Variants in OPN3 observed in about 807,000 individuals in gnomAD.
OPN3 encodes opsin-3.
Under a neutral mutation model 33.8 loss-of-function variants are expected in OPN3, and 29 were observed. The observed-to-expected ratio is 0.86, with a 90% CI of 0.64 to 1.17. The LOEUF (loss-of-function observed/expected upper bound fraction) is 1.17. Among genes scored for constraint, OPN3 ranks in the 50% most tolerant of loss-of-function variants. OPN3 has a pLI of 0.00. For missense variants in OPN3, 437 were observed against 514.1 expected, an observed-to-expected ratio of 0.85 and a Z score of 1.45; for synonymous variants, 216 against 216.1, an observed-to-expected ratio of 1.00 and a Z score of 0.00.
chr1:241,624,593 C>G (rs888036001), intron 1 of OPN3, among the ~76,000 whole-genome samples: 2 of 152,324 alleles, frequency 1.3e-5, no homozygotes, highest in African/African-American at 4.8e-5. Flanking sequence ...CGTTCCAGTA[C>G]TTACAGATTC....
chr1:241,621,768 A>G (rs1000898995), intron 1 of OPN3, among the ~76,000 whole-genome samples: 7 of 152,162 alleles, frequency 4.6e-5, no homozygotes, highest in Non-Finnish European at 7.3e-5. Flanking sequence ...CAGATCAATA[A>G]GTATAATGGG....
intron 1 of OPN3, among the ~76,000 whole-genome samples, chr1:241,613,181 T>C (rs1233718961): frequency 6.6e-6 from 1 of 152,220 alleles, no homozygotes; most frequent in Non-Finnish European, 1.5e-5. Context: ...AATAGTAATT[T>C]CAGCCCACTA....
rs377228012 is a variant in OPN3, at chr1:241,604,437, A to T, written c.516T>A (p.Pro172=). The stretch of plus-strand genomic sequence containing the variant: ...GGATGTACCTGTTCCATCCCAGGAG[A>T]GGTGCTCCTGCCCACGCCAGTGAGT... The part of the protein sequence containing the change: ...WLYSLAWAGA[P]LLGWNRYILD... Residue 172 remains proline (P), a synonymous_variant, in exon 2 of 4, where the codon CCT becomes CCA. Transcript: ENST00000366554. The T allele has an allele frequency of 2.2e-5, 35 of 1,614,028 alleles. No individual in the cohort carries two copies. Among genetic ancestry groups the T allele is most frequent in the Non-Finnish European group, 2.9e-5 (34 of 1,180,042 alleles).
chr1:241,598,961 A>G (rs2147996869), intron 2 of OPN3, among the ~76,000 whole-genome samples: 1 of 152,294 alleles, frequency 6.6e-6, no homozygotes. Context: ...ATTTCAATGA[A>G]CTCTAAGTGT....
chr1:241,607,543 A>AGAAG (rs56339199), intron 1 of OPN3, among the ~76,000 whole-genome samples: 19 of 147,064 alleles, frequency 1.3e-4, no homozygotes, highest in Non-Finnish European at 1.8e-4. Context: ...ACAGAGAGCA[A>AGAAG]GAAGGAAGGA....
At chr1:241,603,566 T>C (rs1361231984) in intron 2 of OPN3, among the ~76,000 whole-genome samples, 1 of 152,208 alleles carries the variant, frequency 6.6e-6, no homozygotes, top group Non-Finnish European at 1.5e-5. Context: ...TTAACAAAGT[T>C]GGCATATGTA....
At chr1:241,606,924 T>C (rs569640890) in intron 1 of OPN3, among the ~76,000 whole-genome samples, 21 of 152,332 alleles carry the variant, frequency 1.4e-4, no homozygotes, top group African/African-American at 4.6e-4. Context: ...TTTGTTTTCA[T>C]AAAATTGAAA....
intron 2 of OPN3, among the ~76,000 whole-genome samples, chr1:241,604,027 T>C (rs747456489): frequency 3.3e-5 from 5 of 152,188 alleles, no homozygotes; most frequent in Non-Finnish European, 7.3e-5. Context: ...TCAGAAGATT[T>C]TTCTTTCCTT....
At chr1:241,607,962 A>G (rs1332107685) in intron 1 of OPN3, among the ~76,000 whole-genome samples, 1 of 152,216 alleles carries the variant, frequency 6.6e-6, no homozygotes, top group Non-Finnish European at 1.5e-5. Flanking sequence ...CTAAAAAGTG[A>G]TATTATCCTT....
At chr1:241,634,134 T>TTGTAA in intron 1 of OPN3, 1 of 1,613,120 alleles carries the variant, frequency 6.2e-7, no homozygotes, top group Non-Finnish European at 8.5e-7. Flanking sequence ...AGTCTTGGCT[T>TTGTAA]TGTAAGTTCT....
Position 241,593,191 on chromosome 1 carries a change from G to A in OPN3, c.*1237C>T. On this transcript the variant is annotated 3_prime_UTR_variant, in exon 4 of 4. Coordinates refer to ENST00000366554, the MANE Select transcript of OPN3 (RefSeq NM_014322.3). ...ATGTGCCAGAATGGAAAGGAAACAAGGGGAGACAACTTTTATAGAAATACA... is the reference window on the plus strand; with the variant it reads ...ATGTGCCAGAATGGAAAGGAAACAAAGGGAGACAACTTTTATAGAAATACA... 8.2e-6 allele frequency: 2 copies of A among 243,458 alleles called. No individual in the cohort carries two copies. Among genetic ancestry groups the A allele is most frequent in the Non-Finnish European group, 1.9e-5 (2 of 106,136 alleles). The allele number at this position is 243,458 out of a possible 1,614,324, so 15.1% of individuals were successfully genotyped here. A position where few individuals can be genotyped will look rare whatever the true frequency, so the allele number is the denominator to read the frequency against.
chr1:241,624,660 C>G (rs559216393), intron 1 of OPN3, among the ~76,000 whole-genome samples: 3 of 152,174 alleles, frequency 2.0e-5, no homozygotes, highest in Non-Finnish European at 4.4e-5. Flanking sequence ...AACATTAATA[C>G]CTACCTCACA....
intron 1 of OPN3, among the ~76,000 whole-genome samples, chr1:241,605,747 A>G (rs1441522017): frequency 1.3e-5 from 2 of 152,232 alleles, no homozygotes; most frequent in Non-Finnish European, 2.9e-5. Flanking sequence ...GAGTGAAGAA[A>G]TATGTACCAG....
intron 1 of OPN3, among the ~76,000 whole-genome samples, chr1:241,628,180 T>C (rs1366422000): frequency 6.6e-6 from 1 of 152,146 alleles, no homozygotes; most frequent in African/African-American, 2.4e-5. Context: ...TTCTGTTTTG[T>C]TTTTTCTTTT....
intron 1 of OPN3, among the ~76,000 whole-genome samples, chr1:241,637,723 T>C (rs1026580905): frequency 8.5e-5 from 13 of 152,048 alleles, no homozygotes; most frequent in African/African-American, 2.9e-4. Flanking sequence ...AATTACCCAA[T>C]AATAGAGATG....
chr1:241,610,337 C>A (rs890954365), intron 1 of OPN3, among the ~76,000 whole-genome samples: 5 of 152,146 alleles, frequency 3.3e-5, no homozygotes. Context: ...AAAGCTGTGT[C>A]GGGGAGCTGG....
In OPN3 at chr1:241,639,888, G is replaced by C; in HGVS notation, c.367C>G (p.Leu123Val). The C allele has an allele frequency of 1.3e-6, 2 of 1,577,182 alleles. No individual in the cohort carries two copies. Among genetic ancestry groups the C allele is most frequent in the South Asian group, 1.2e-5 (1 of 86,874 alleles). Reference sequence around the variant, plus strand: ...TTCTCCCAGTCCAACTCACCGAAGAGGCTGCCGCTAAACCCGTCCCACACG... The same window carrying C: ...TTCTCCCAGTCCAACTCACCGAAGACGCTGCCGCTAAACCCGTCCCACACG... ...GCVWDGFSGS[L>V]FGIVSIATLT... The change falls in exon 1 of 4, where the codon CTC becomes GTC. Residue 123 changes from leucine (L) to valine (V), a missense_variant. Leu to Val is a conservative substitution (Grantham distance 32). Transcript: ENST00000366554.
rs560564949 is a variant in OPN3 at position 241,639,819 on chromosome 1, G to A, written c.373+63C>T. ...GGGCTGGGGGGCGGACGCACGGAGC[G>A]GGCAGCGGGGTGGGGAGTGGAAGTT... On this transcript the variant is annotated intron_variant, in intron 1 of 3. Transcript: ENST00000366554. The A allele has an allele frequency of 2.9e-6, 4 of 1,375,836 alleles. No homozygotes were observed. The South Asian group carries it at 6.2e-5, about 21-fold the overall frequency. 85.2% of individuals were successfully genotyped at this position (1,375,836 alleles called of 1,614,324 possible). A position where few individuals can be genotyped will look rare whatever the true frequency, so the allele number is the denominator to read the frequency against.
chr1:241,633,850 T>A lies in OPN3; in HGVS notation c.373+6032A>T, dbSNP rs770303697. On this transcript the variant is annotated intron_variant, in intron 1 of 3. Coordinates refer to ENST00000366554, the MANE Select transcript of OPN3 (RefSeq NM_014322.3). ...CTAGGTTTTTGCTTTCCTCAGAGGA[T>A]TCTAGTTTGGCCATTACTACATTAT... The A allele has an allele frequency of 3.1e-6, 5 of 1,613,894 alleles. No homozygotes were observed. In the East Asian group the frequency reaches 1.1e-4, roughly 36 times the overall value.
Sources: gnomAD v4.1 joint callset for allele counts (sites outside exome capture counted in the v4.1 genomes callset) on GRCh38, gnomAD v4.1.1 for gene constraint, MANE v1.5 for transcripts, NCBI Gene and HGNC (gene_info 2026-07-23, HGNC 2026-07-21) for gene names.